VPS33A: variants seen among roughly 807,000 people sequenced by gnomAD.
The protein encoded by VPS33A is VPS33A core subunit of CORVET and HOPS complexes.
In VPS33A, 32 loss-of-function variants were observed where a neutral mutation model predicts 71.8. That is an observed-to-expected ratio of 0.45 (90% CI 0.34 to 0.60). VPS33A has a LOEUF of 0.60. Ranked by LOEUF, VPS33A falls within the 20% of genes least tolerant of loss-of-function variation. VPS33A has a pLI of 0.02. For synonymous variants in VPS33A, 311 were observed against 292.7 expected, an observed-to-expected ratio of 1.06 and a Z score of -0.64; for missense variants, 625 against 748.5, an observed-to-expected ratio of 0.84 and a Z score of 1.92.
chr12:122,249,888 A>G lies in VPS33A; in HGVS notation c.758T>C (p.Ile253Thr), dbSNP rs1954821204. ...QLTYEGLIDEIYGIQNSYVKL... is the reference protein window; with the variant it reads ...QLTYEGLIDETYGIQNSYVKL... Reference sequence around the variant, plus strand: ...GTACTTACTGTTCTGAATGCCATAAATTTCATCAATGAGTCCTTCATATGT... The same window carrying G: ...GTACTTACTGTTCTGAATGCCATAAGTTTCATCAATGAGTCCTTCATATGT... Residue 253 changes from isoleucine to threonine, a missense_variant, in exon 6 of 13, where the codon ATT (isoleucine) becomes ACT (threonine). By Grantham distance (89) the Ile-to-Thr change is moderately conservative. Transcript: ENST00000267199. 8 of 1,613,358 alleles carry G rather than the reference A, an allele frequency of 5.0e-6. No homozygotes were observed. The highest frequency in any genetic ancestry group is 6.8e-6 in the Non-Finnish European group (8 of 1,179,854).
intron 9 of VPS33A, among the ~76,000 whole-genome samples, chr12:122,239,313 TAAA>T (rs1593197079): frequency 6.6e-6 from 1 of 152,242 alleles, no homozygotes; most frequent in South Asian, 2.1e-4. Context: ...AATACAGTCT[TAAA>T]AAGATTTGAT....
chr12:122,252,737 T>C (rs981855765), intron 4 of VPS33A: 7 of 152,216 alleles, frequency 4.6e-5, no homozygotes, highest in African/African-American at 1.7e-4. Context: ...CTGGGCCAGT[T>C]AGAGAATCTC....
intron 4 of VPS33A, among the ~76,000 whole-genome samples, chr12:122,251,885 G>GCA (rs1555249157): frequency 6.7e-6 from 1 of 150,098 alleles, no homozygotes; most frequent in Non-Finnish European, 1.5e-5. Flanking sequence ...TAACAAACCT[G>GCA]CATGTTGTGC....
chr12:122,262,891 G>C (rs1021952719), intron 3 of VPS33A, among the ~76,000 whole-genome samples: 1 of 151,852 alleles, frequency 6.6e-6, no homozygotes, highest in African/African-American at 2.4e-5. Context: ...GAGATGTTTT[G>C]ATGTGGGCAT....
chr12:122,251,635 T>G (rs1213831684), intron 4 of VPS33A, among the ~76,000 whole-genome samples: 1 of 151,984 alleles, frequency 6.6e-6, no homozygotes, highest in East Asian at 1.9e-4. Context: ...TATTTTTGCA[T>G]TGAAAAAAGG....
intron 9 of VPS33A, 66 bp downstream of exon 9, chr12:122,239,812 C>A: frequency 1.5e-5 from 8 of 526,008 alleles, no homozygotes; most frequent in Admixed American, 3.8e-5. Context: ...AATTGGTTTT[C>A]TGGCTATAAT....
At chr12:122,253,756 C>T (rs57502223) in intron 4 of VPS33A, among the ~76,000 whole-genome samples, 1 of 151,676 alleles carries the variant, frequency 6.6e-6, no homozygotes, top group Admixed American at 6.6e-5. Context: ...GGAGTGCAGT[C>T]GGGCAACCTC....
At chr12:122,249,804 C>G in intron 6 of VPS33A, 67 bp downstream of exon 6, 3 of 1,434,888 alleles carry the variant, frequency 2.1e-6, no homozygotes, top group Non-Finnish European at 2.8e-6. Flanking sequence ...AATATACAAA[C>G]AGTAGCCTCC....
rs1954626164 is a variant in VPS33A, at chr12:122,236,053, A to C, written c.1303-130T>G. 14 of 1,149,248 alleles carry C rather than the reference A, an allele frequency of 1.2e-5. No individual in the cohort carries two copies. In the South Asian group the frequency reaches 2.3e-4, roughly 19 times the overall value. The allele number at this position is 1,149,248 out of a possible 1,614,324, so 71.2% of individuals were successfully genotyped here. A position where few individuals can be genotyped will look rare whatever the true frequency, so the allele number is the denominator to read the frequency against. ...CATGTTACCAAAGTCCAGCAATGTT[A>C]GTGGATGGGCACAGAGGACAGGGTG... On this transcript the variant is annotated intron_variant, in intron 10 of 12. Transcript: ENST00000267199.
At chr12:122,238,768 C>CAG in intron 9 of VPS33A, 44 bp from the exon 10 acceptor site, 3 of 1,223,100 alleles carry the variant, frequency 2.5e-6, no homozygotes, top group Non-Finnish European at 2.4e-6. Context: ...TTTACATATA[C>CAG]ATACACACAC....
intron 9 of VPS33A, among the ~76,000 whole-genome samples, chr12:122,239,021 AC>A (rs201281659): frequency 7.3e-6 from 1 of 137,516 alleles, no homozygotes; most frequent in Non-Finnish European, 1.5e-5. Flanking sequence ...ACACACACAC[AC>A]CCCCCAGTGA....
chr12:122,265,753 G>A (rs745716794), intron 1 of VPS33A: 2 of 450,812 alleles, frequency 4.4e-6, no homozygotes, highest in Non-Finnish European at 9.0e-6. Context: ...AGGTGACACT[G>A]TTTAAAAGAA....
In VPS33A at chr12:122,261,369, C is replaced by A; in HGVS notation, c.375G>T (p.Leu125Phe). The stretch of plus-strand genomic sequence containing the variant: ...AGGATCCCAAGACACCCAGATCCTT[C>A]AACCGCTGTTCGCACAACAGGCTAC... ...PRRSLLCEQR[L>F]KDLGVLGSFI... Residue 125 changes from leucine to phenylalanine, a missense_variant, in exon 4 of 13, where the codon TTG becomes TTT. Physicochemically the swap from Leu to Phe is conservative, Grantham distance 22. Coordinates refer to ENST00000267199, the MANE Select transcript of VPS33A (RefSeq NM_022916.6). The A allele has an allele frequency of 6.2e-7, 1 of 1,614,042 alleles. No individual in the cohort carries two copies. The highest frequency in any genetic ancestry group is 8.5e-7 in the Non-Finnish European group (1 of 1,179,986).
chr12:122,242,449 G>T lies in VPS33A; in HGVS notation c.1029C>A (p.His343Gln), dbSNP rs1954727997. 6.2e-7 allele frequency: 1 copy of T among 1,614,014 alleles called. No individual in the cohort carries two copies. ...EIKQFVSQLP[H>Q]MQAARGSLAN... ...CAAGCGAGCCCCTTGCTGCCTGCAT[G>T]TGGGGCAACTGGGAAACAAACTGCT... The change falls in exon 8 of 13, where the codon CAC becomes CAA. Residue 343 changes from histidine to glutamine, a missense_variant. By Grantham distance (24) the His-to-Gln change is conservative. Transcript: ENST00000267199.
Position 122,257,121 on chromosome 12 carries a change from G to A in VPS33A, c.483+4140C>T, listed in dbSNP as rs12309258. Among the ~76,000 whole-genome samples, 955 of 152,084 alleles carry A rather than the reference G, an allele frequency of 6.3e-3. 12 individuals carry two copies. The highest frequency in any genetic ancestry group is 0.021 in the African/African-American group (855 of 41,444). ...GCTTCTGGGATAAGGGGCAGTCTGA[G>A]AACTGGGGTAAAAAGTAGCTTCAGG... is the stretch of plus-strand genomic sequence containing the variant. On this transcript the variant is annotated intron_variant, in intron 4 of 12. Transcript: ENST00000267199.
rs144755322 is a variant in VPS33A at position 122,233,447 on chromosome 12, A to C, written c.1441-479T>G. On this transcript the variant is annotated intron_variant, in intron 11 of 12. Coordinates refer to ENST00000267199, the MANE Select transcript of VPS33A (RefSeq NM_022916.6). The stretch of plus-strand genomic sequence containing the variant: ...CACCATGTTGGCCAGGCTGGTCTTG[A>C]ATTTCTGACCTCAGGTGATCCACCT... 6.6e-3 allele frequency among the ~76,000 whole-genome samples: 1,010 copies of C among 152,188 alleles called. 6 individuals carry two copies. Among genetic ancestry groups the C allele is most frequent in the Middle Eastern group, 0.024 (7 of 294 alleles).
In VPS33A at chr12:122,244,590, C is replaced by A. The variant is rs369560611; in HGVS notation, c.948G>T (p.Lys316Asn). The A allele has an allele frequency of 1.9e-5, 31 of 1,608,318 alleles. No individual in the cohort carries two copies. The highest frequency in any genetic ancestry group is 2.7e-5 in the African/African-American group (2 of 74,966). Residue 316 changes from lysine to asparagine, a missense_variant, in exon 7 of 13, where the codon AAG (lysine) becomes AAT (asparagine). Transcript: ENST00000267199. ...TCACCTCGAATGCTGCAGAGATGATCTTTGCTTTCTTGCTGAGCACAGAGC... is the reference window on the plus strand; with the variant it reads ...TCACCTCGAATGCTGCAGAGATGATATTTGCTTTCTTGCTGAGCACAGAGC... The part of the protein sequence containing the change: ...AVGSVLSKKA[K>N]IISAAFEERH...
In VPS33A at chr12:122,229,566, T is replaced by C. The variant is rs1051291740; in HGVS notation, c.*2680A>G. ...CTCTATAGCAAGACACAAAACAGTG[T>C]CTGTGTAGACTTCTTTATTAAGGGG... On this transcript the variant is annotated 3_prime_UTR_variant, in exon 13 of 13. Transcript: ENST00000267199. 1 of 152,226 alleles carries C rather than the reference T, an allele frequency of 6.6e-6. No homozygotes were observed. Among genetic ancestry groups the C allele is most frequent in the African/African-American group, 2.4e-5 (1 of 41,450 alleles). 9.4% of individuals were successfully genotyped at this position (152,226 alleles called of 1,614,324 possible).
intron 11 of VPS33A, among the ~76,000 whole-genome samples, chr12:122,235,524 A>G (rs1436594111): frequency 6.6e-6 from 1 of 152,088 alleles, no homozygotes; most frequent in Non-Finnish European, 1.5e-5. Context: ...TCGGCCTCCC[A>G]AAGTGCTGGG....
Sources: gnomAD v4.1 joint callset for allele counts (sites outside exome capture counted in the v4.1 genomes callset) on GRCh38, gnomAD v4.1.1 for gene constraint, MANE v1.5 for transcripts, NCBI Gene and HGNC (gene_info 2026-07-23, HGNC 2026-07-21) for gene names.